TRMT9B: variants seen among roughly 807,000 people sequenced by gnomAD.
The protein encoded by TRMT9B is tRNA methyltransferase 9B (putative).
Under a neutral mutation model 11.5 loss-of-function variants are expected in TRMT9B, and 16 were observed. The ratio of observed to expected loss-of-function variants is 1.39; its 90% CI spans 0.94 to 2.11. The LOEUF (loss-of-function observed/expected upper bound fraction) is 2.11, where lower values mean the gene tolerates loss of function less well. TRMT9B is among the 30% of genes most tolerant of loss of function. The probability of loss-of-function intolerance (pLI) is 0.00; values close to 1 mark genes in which losing one functional copy is unlikely to be tolerated. For synonymous variants in TRMT9B, 274 were observed against 192.4 expected (o/e 1.42, Z -3.51); for missense variants, 941 against 553.8 (o/e 1.70, Z -7.02).
chr8:13,021,577 T>G lies in TRMT9B; in HGVS notation c.898T>G (p.Phe300Val). 6.2e-7 allele frequency: 1 copy of G among 1,613,830 alleles called. No individual in the cohort carries two copies. The highest frequency in any genetic ancestry group is 8.5e-7 in the Non-Finnish European group (1 of 1,179,824). The change falls in exon 5 of 5, where the codon TTT (phenylalanine) becomes GTT (valine). Residue 300 changes from phenylalanine (F) to valine (V), a missense_variant. Transcript: ENST00000524591. ...SSLDFDHQEP[F>V]STKGQSLDEE... ...TTTAGACTTTGATCACCAAGAGCCA[T>G]TTTCAACAAAAGGGCAAAGTTTAGA...
rs73548471 is a variant in TRMT9B, at chr8:13,027,432, T to C, written c.*5388T>C. On this transcript the variant is annotated 3_prime_UTR_variant, in exon 5 of 5. Transcript: ENST00000524591. ...GCTTACCCTAGACGTATTAACATCC[T>C]ATAGCGCACGTGTTCTGTGGGATAT... 0.042 allele frequency: 7,029 copies of C among 167,170 alleles called. 443 individuals are homozygous for C. Among genetic ancestry groups the C allele is most frequent in the African/African-American group, 0.14 (6,010 of 41,538 alleles). 10.4% of individuals were successfully genotyped at this position (167,170 alleles called of 1,614,324 possible).
chr8:13,014,086 A>C (rs1221940582), intron 4 of TRMT9B, among the ~76,000 whole-genome samples: 2 of 152,212 alleles, frequency 1.3e-5, no homozygotes, highest in Non-Finnish European at 2.9e-5. Flanking sequence ...TGAAAGATTG[A>C]TTTATCCAAC....
chr8:13,010,621 C>T (rs1811411038), intron 3 of TRMT9B: 3 of 985,162 alleles, frequency 3.0e-6, no homozygotes, highest in Non-Finnish European at 3.6e-6. Flanking sequence ...ACCTCTGTTT[C>T]CTTCTTATTA....
chr8:12,986,739 G>A (rs142138425), intron 1 of TRMT9B, among the ~76,000 whole-genome samples: 2 of 152,250 alleles, frequency 1.3e-5, no homozygotes, highest in African/African-American at 2.4e-5. Flanking sequence ...TTATCAGAGC[G>A]TCATCTTCAG....
intron 1 of TRMT9B, among the ~76,000 whole-genome samples, chr8:12,982,401 C>G (rs908709520): frequency 2.2e-4 from 33 of 152,156 alleles, no homozygotes; most frequent in African/African-American, 7.7e-4. Context: ...GTGGCTTATG[C>G]CTGTAATCCC....
intron 1 of TRMT9B, among the ~76,000 whole-genome samples, chr8:12,979,675 G>A (rs558072510): frequency 2.6e-5 from 4 of 152,190 alleles, no homozygotes; most frequent in South Asian, 4.1e-4. Context: ...TTCTGCTACC[G>A]TACACCATTG....
Position 13,021,468 on chromosome 8 carries a change from G to A in TRMT9B, c.789G>A (p.Lys263=), listed in dbSNP as rs140059644. Residue 263 remains lysine, a synonymous_variant, in exon 5 of 5, where the codon AAG becomes AAA. Coordinates refer to ENST00000524591, the MANE Select transcript of TRMT9B (RefSeq NM_020844.3). ...SRSLDESTLR[K]QIERVRPLKN... is the part of the protein sequence containing the mutation. ...CTTTGGATGAATCGACTCTGAGGAA[G>A]CAAATTGAAAGAGTAAGACCCTTGA... The A allele has an allele frequency of 3.5e-3, 5,639 of 1,614,004 alleles. 271 individuals are homozygous for A. In the Admixed American group the frequency reaches 0.086, roughly 25 times the overall value.
chr8:13,003,444 G>A (rs1260590239), intron 2 of TRMT9B, among the ~76,000 whole-genome samples: 1 of 152,112 alleles, frequency 6.6e-6, no homozygotes, highest in East Asian at 1.9e-4. Context: ...AAGTCTTCCT[G>A]GAGGAGATGA....
chr8:13,007,949 C>G (rs73204381), intron 3 of TRMT9B, among the ~76,000 whole-genome samples: 1 of 151,990 alleles, frequency 6.6e-6, no homozygotes, highest in Non-Finnish European at 1.5e-5. Flanking sequence ...AAAAAGAAAT[C>G]GTAAAAGAAT....
At chr8:12,986,715 C>T (rs148357566) in intron 1 of TRMT9B, among the ~76,000 whole-genome samples, 18 of 152,300 alleles carry the variant, frequency 1.2e-4, no homozygotes, top group African/African-American at 4.1e-4. Context: ...GTACATTGTA[C>T]TGTATCAGGC....
chr8:13,012,156 T>A, intron 3 of TRMT9B: 2 of 985,582 alleles, frequency 2.0e-6, no homozygotes, highest in Middle Eastern at 5.2e-4. Flanking sequence ...ATTCAATAAA[T>A]GTTATTTTTT....
chr8:12,995,262 AG>A (rs1407358558), intron 2 of TRMT9B, among the ~76,000 whole-genome samples: 3 of 152,262 alleles, frequency 2.0e-5, no homozygotes, highest in African/African-American at 7.2e-5. Context: ...AGCTGCAGTT[AG>A]AAGCAGTCAA....
chr8:12,984,198 A>T (rs78878573), intron 1 of TRMT9B, among the ~76,000 whole-genome samples: 3,437 of 152,300 alleles, frequency 0.023, 67 homozygotes, highest in Admixed American at 0.037. Flanking sequence ...AACAACCATG[A>T]ATTTTGTGTT....
intron 4 of TRMT9B, among the ~76,000 whole-genome samples, chr8:13,019,113 G>A (rs996489746): frequency 6.6e-6 from 1 of 152,052 alleles, no homozygotes; most frequent in Non-Finnish European, 1.5e-5. Flanking sequence ...TACAATTTGG[G>A]GAGTATTGAT....
At chr8:12,980,037 A>G (rs1805102760) in intron 1 of TRMT9B, among the ~76,000 whole-genome samples, 1 of 152,136 alleles carries the variant, frequency 6.6e-6, no homozygotes, top group Non-Finnish European at 1.5e-5. Flanking sequence ...TTCATGGTTG[A>G]TTGAATCTAG....
At chr8:12,971,492 T>C (rs1205011747) in intron 1 of TRMT9B, among the ~76,000 whole-genome samples, 2 of 152,228 alleles carry the variant, frequency 1.3e-5, no homozygotes, top group Non-Finnish European at 2.9e-5. Context: ...CGACTTCAAA[T>C]TGTGTATTAG....
intron 1 of TRMT9B, among the ~76,000 whole-genome samples, chr8:12,985,755 G>T (rs139836761): frequency 1.1e-4 from 16 of 152,216 alleles, no homozygotes; most frequent in African/African-American, 3.6e-4. Flanking sequence ...AAGAGTTTGT[G>T]ATCCTTCCTC....
intron 1 of TRMT9B, among the ~76,000 whole-genome samples, chr8:12,984,603 T>C (rs1361644118): frequency 4.6e-5 from 7 of 152,168 alleles, no homozygotes; most frequent in Non-Finnish European, 1.0e-4. Flanking sequence ...GCCTTTCGTA[T>C]GTAATAGCAG....
At chr8:12,999,458 A>G in intron 2 of TRMT9B, among the ~76,000 whole-genome samples, 1 of 152,300 alleles carries the variant, frequency 6.6e-6, no homozygotes, top group Non-Finnish European at 1.5e-5. Context: ...ATATGTATGT[A>G]AAAACATCAA....
Sources: allele counts gnomAD v4.1 joint callset (sites outside exome capture counted in the v4.1 genomes callset), GRCh38; gene constraint gnomAD v4.1.1; transcripts MANE v1.5; gene names NCBI Gene and HGNC (gene_info 2026-07-23, HGNC 2026-07-21).